Variants in SRGN observed in about 807,000 individuals in gnomAD.
SRGN encodes serglycin, also known as hematopoetic proteoglycan core peptide.
In SRGN, 2 loss-of-function variants were observed where a neutral mutation model predicts 9.5. The ratio of observed to expected loss-of-function variants is 0.21; its 90% confidence interval spans 0.09 to 0.66. The LOEUF is 0.66. Among genes scored for constraint, SRGN ranks in the 30% least tolerant of loss-of-function variants. The pLI is 0.83. For missense variants in SRGN, 170 were observed against 192.4 expected, an observed-to-expected ratio of 0.88 and a Z score of 0.69; for synonymous variants, 59 against 72.3, an observed-to-expected ratio of 0.82 and a Z score of 0.93.
At chr10:69,103,828 C>T (rs751984181) in intron 2 of SRGN, 43 bp from the exon 3 acceptor site, 6 of 1,599,886 alleles carry the variant, frequency 3.8e-6, no homozygotes, top group Non-Finnish European at 5.1e-6. Flanking sequence ...TCCCACATAT[C>T]AAACTCCACT....
At chr10:69,102,403 C>T (rs1317646766) in intron 2 of SRGN, among the ~76,000 whole-genome samples, 1 of 152,158 alleles carries the variant, frequency 6.6e-6, no homozygotes, top group African/African-American at 2.4e-5. Flanking sequence ...TCTGTCTTCC[C>T]CACTAAAATA....
Position 69,104,740 on chromosome 10 carries a change from C to T in SRGN, c.*620C>T, listed in dbSNP as rs1840364869. ...CTGTCAATACCTCATACTGCTTTAC[C>T]TTTTTTTCCTGGATATCTGTGTATT... On this transcript the variant is annotated 3_prime_UTR_variant, in exon 3 of 3. Coordinates refer to ENST00000242465, the MANE Select transcript of SRGN (RefSeq NM_002727.4). The T allele has an allele frequency of 6.6e-6, 1 of 152,116 alleles. No homozygotes were observed. Among genetic ancestry groups the T allele is most frequent in the African/African-American group, 2.4e-5 (1 of 41,408 alleles). The allele number at this position is 152,116 out of a possible 1,614,324, so 9.4% of individuals were successfully genotyped here.
intron 2 of SRGN, among the ~76,000 whole-genome samples, chr10:69,099,369 G>A (rs576241806): frequency 6.7e-6 from 1 of 149,278 alleles, no homozygotes; most frequent in Non-Finnish European, 1.5e-5. Context: ...GCAGTGGTGT[G>A]ATCATAGCTC....
rs187572310 is a variant in SRGN, at chr10:69,089,215, T to G, written c.79+979T>G. The stretch of plus-strand genomic sequence containing the variant: ...GATCGCAGAGACATTCATTTTATGT[T>G]GGAAATTTATAAAATCATTTTCTTC... On this transcript the variant is annotated intron_variant, in intron 1 of 2. Coordinates refer to ENST00000242465, the MANE Select transcript of SRGN (RefSeq NM_002727.4). 1.7e-3 allele frequency among the ~76,000 whole-genome samples: 261 copies of G among 152,378 alleles called. 1 individual carries two copies. Among genetic ancestry groups the G allele is most frequent in the Admixed American group, 3.4e-3 (52 of 15,302 alleles).
chr10:69,104,106 G>T lies in SRGN; in HGVS notation c.463G>T (p.Asp155Tyr). ...QDLGQHGLEEDFML is the reference protein window; with the variant it reads ...QDLGQHGLEEYFML ...CTTGGGTCAACATGGATTAGAAGAGGATTTTATGTTATAAAAGAGGATTTT... is the reference window on the plus strand; with the variant it reads ...CTTGGGTCAACATGGATTAGAAGAGTATTTTATGTTATAAAAGAGGATTTT... The change falls in exon 3 of 3, where the codon GAT becomes TAT. Residue 155 changes from aspartate to tyrosine, a missense_variant. Coordinates refer to ENST00000242465, the MANE Select transcript of SRGN (RefSeq NM_002727.4). 6.2e-7 allele frequency: 1 copy of T among 1,613,068 alleles called. No homozygotes were observed. The highest frequency in any genetic ancestry group is 1.1e-5 in the South Asian group (1 of 91,034).
intron 2 of SRGN, chr10:69,098,477 G>A (rs73272546): frequency 6.6e-6 from 1 of 152,106 alleles, no homozygotes; most frequent in Non-Finnish European, 1.5e-5. Flanking sequence ...TTTGGAGGAG[G>A]TGATTAAAAT....
At chr10:69,088,845 GAA>G (rs1465771491) in intron 1 of SRGN, among the ~76,000 whole-genome samples, 2 of 152,218 alleles carry the variant, frequency 1.3e-5, no homozygotes, top group East Asian at 3.9e-4. Context: ...CTTGCTCAGA[GAA>G]GCATCATATT....
intron 2 of SRGN, among the ~76,000 whole-genome samples, chr10:69,100,942 C>T (rs557273354): frequency 6.9e-4 from 105 of 151,518 alleles, no homozygotes; most frequent in African/African-American, 2.4e-3. Flanking sequence ...CTTCCACTAT[C>T]GCTGTAGCCC....
chr10:69,104,127 A>C lies in SRGN; in HGVS notation c.*7A>C, dbSNP rs769059290. 9.9e-6 allele frequency: 16 copies of C among 1,610,192 alleles called. No homozygotes were observed. The highest frequency in any genetic ancestry group is 1.4e-5 in the Non-Finnish European group (16 of 1,176,878). On this transcript the variant is annotated 3_prime_UTR_variant, in exon 3 of 3. Coordinates refer to ENST00000242465, the MANE Select transcript of SRGN (RefSeq NM_002727.4). The stretch of plus-strand genomic sequence containing the variant: ...AGAGGATTTTATGTTATAAAAGAGG[A>C]TTTTCCCACCTTGACACCAGGCAAT...
rs756175162 is a variant in SRGN, at chr10:69,097,209, C to A, written c.205C>A (p.Arg69Ser). The A allele has an allele frequency of 7.4e-6, 12 of 1,613,474 alleles. No homozygotes were observed. Among genetic ancestry groups the A allele is most frequent in the Middle Eastern group, 1.6e-4 (1 of 6,078 alleles). The change falls in exon 2 of 3, where the codon CGT (arginine) becomes AGT (serine). Residue 69 changes from arginine to serine, a missense_variant. Arg to Ser is a moderately radical substitution (Grantham distance 110). Transcript: ENST00000242465. ...LLPGESNKIP[R>S]LRTDLFPKTR... Reference sequence around the variant, plus strand: ...TCCAGGTGAATCCAACAAGATCCCCCGTCTGAGGACTGACCTTTTTCCGTA... The same window carrying A: ...TCCAGGTGAATCCAACAAGATCCCCAGTCTGAGGACTGACCTTTTTCCGTA...
chr10:69,102,903 C>T (rs2132161963), intron 2 of SRGN, among the ~76,000 whole-genome samples: 1 of 152,202 alleles, frequency 6.6e-6, no homozygotes, highest in Non-Finnish European at 1.5e-5. Context: ...AAAATGTCAT[C>T]TGTTTGGGCT....
rs760390232 is a variant in SRGN, at chr10:69,097,133, C to G, written c.129C>G (p.Asp43Glu). 8 of 1,614,158 alleles carry G rather than the reference C, an allele frequency of 5.0e-6. No homozygotes were observed. Among genetic ancestry groups the G allele is most frequent in the Non-Finnish European group, 6.8e-6 (8 of 1,180,004 alleles). Residue 43 changes from aspartate to glutamate, a missense_variant, in exon 2 of 3, where the codon GAC becomes GAG. By Grantham distance (45) the Asp-to-Glu change is conservative. Coordinates refer to ENST00000242465, the MANE Select transcript of SRGN (RefSeq NM_002727.4). The stretch of plus-strand genomic sequence containing the variant: ...ACCAATGGGTGCGCTGCAATCCAGA[C>G]AGTAATTCTGCAAACTGCCTTGAAG... ...ARYQWVRCNP[D>E]SNSANCLEEK... is the part of the protein sequence containing the mutation.
chr10:69,091,915 G>GA lies in SRGN; in HGVS notation c.79+3683dup, dbSNP rs144115937. On this transcript the variant is annotated intron_variant, in intron 1 of 2. Transcript: ENST00000242465. ...AAAAAAAAAAAAAAAAAAAGAAAAA[G>GA]AAAAGAAAAGAAAAAAAAAAGAAAT... Among the ~76,000 whole-genome samples, 79 of 73,688 alleles carry GA rather than the reference G, an allele frequency of 1.1e-3. 1 individual carries two copies. The highest frequency in any genetic ancestry group is 3.1e-3 in the African/African-American group (73 of 23,240). 48.3% of individuals were successfully genotyped at this position (73,688 alleles called of 152,430 possible).
chr10:69,104,302 T>A lies in SRGN; in HGVS notation c.*182T>A. On this transcript the variant is annotated 3_prime_UTR_variant, in exon 3 of 3. Transcript: ENST00000242465. Reference sequence around the variant, plus strand: ...TTAAAGGATTATGCTTTAATGCTGTTATCTATTTTATTGTTCTTGAAAATA... The same window carrying A: ...TTAAAGGATTATGCTTTAATGCTGTAATCTATTTTATTGTTCTTGAAAATA... 1 of 781,104 alleles carries A rather than the reference T, an allele frequency of 1.3e-6. No homozygotes were observed. The highest frequency in any genetic ancestry group is 2.3e-5 in the South Asian group (1 of 43,540). 48.4% of individuals were successfully genotyped at this position (781,104 alleles called of 1,614,324 possible).
At chr10:69,088,526 C>G (rs1182273391) in intron 1 of SRGN, among the ~76,000 whole-genome samples, 1 of 152,114 alleles carries the variant, frequency 6.6e-6, no homozygotes, top group East Asian at 1.9e-4. Flanking sequence ...AAAAAGGAAT[C>G]TAGAAAATGA....
rs140356756 is a variant in SRGN at position 69,103,892 on chromosome 10, G to C, written c.249G>C (p.Leu83Phe). 1.4e-5 allele frequency: 22 copies of C among 1,613,836 alleles called. No homozygotes were observed. Among genetic ancestry groups the C allele is most frequent in the Non-Finnish European group, 1.9e-5 (22 of 1,179,928 alleles). The change falls in exon 3 of 3, where the codon TTG becomes TTC. Residue 83 changes from leucine to phenylalanine, a missense_variant. Physicochemically the swap from Leu to Phe is conservative, Grantham distance 22. Coordinates refer to ENST00000242465, the MANE Select transcript of SRGN (RefSeq NM_002727.4). Reference protein sequence around the residue: ...DLFPKTRIQDLNRIFPLSEDY... With the variant: ...DLFPKTRIQDFNRIFPLSEDY... ...TCAGAAAGACGAGAATCCAGGACTT[G>C]AATCGTATCTTCCCACTTTCTGAGG...
At chr10:69,095,773 G>A (rs924823714) in intron 1 of SRGN, among the ~76,000 whole-genome samples, 2 of 151,984 alleles carry the variant, frequency 1.3e-5, no homozygotes, top group African/African-American at 2.4e-5. Flanking sequence ...TTAGCTGGGC[G>A]TGGTGGTGAG....
chr10:69,092,002 T>C lies in SRGN; in HGVS notation c.79+3766T>C, dbSNP rs529983078. Among the ~76,000 whole-genome samples, 6 of 151,698 alleles carry C rather than the reference T, an allele frequency of 4.0e-5. No individual in the cohort carries two copies. In the South Asian group the frequency reaches 1.0e-3, roughly 26 times the overall value. On this transcript the variant is annotated intron_variant, in intron 1 of 2. Coordinates refer to ENST00000242465, the MANE Select transcript of SRGN (RefSeq NM_002727.4). ...CCATAATATAAAAAGGTATGGACTA[T>C]TGGAGAAAGTTGTTTGCTTTGGTAA...
rs759353643 is a variant in SRGN at position 69,097,123 on chromosome 10, G to A, written c.119G>A (p.Cys40Tyr). The change falls in exon 2 of 3, where the codon TGC becomes TAC. Residue 40 changes from cysteine to tyrosine, a missense_variant. Cys to Tyr is a radical substitution (Grantham distance 194). Coordinates refer to ENST00000242465, the MANE Select transcript of SRGN (RefSeq NM_002727.4). ...AGAGCCAGGTACCAATGGGTGCGCT[G>A]CAATCCAGACAGTAATTCTGCAAAC... ...TRRARYQWVR[C>Y]NPDSNSANCL... 6.2e-7 allele frequency: 1 copy of A among 1,614,134 alleles called. No individual in the cohort carries two copies. Among genetic ancestry groups the A allele is most frequent in the Non-Finnish European group, 8.5e-7 (1 of 1,179,976 alleles).
Sources: allele counts gnomAD v4.1 joint callset (sites outside exome capture counted in the v4.1 genomes callset), GRCh38; gene constraint gnomAD v4.1.1; transcripts MANE v1.5; gene names NCBI Gene and HGNC (gene_info 2026-07-23, HGNC 2026-07-21).